Variants in HTR3C observed in about 807,000 individuals in gnomAD.
HTR3C encodes the protein 5-HT3-C.
Under a neutral mutation model 40.5 loss-of-function variants are expected in HTR3C, and 32 were observed. That is an observed-to-expected ratio of 0.79 (90% CI 0.60 to 1.06). HTR3C has a LOEUF of 1.06. Among genes scored for constraint, HTR3C ranks in the 50% least tolerant of loss-of-function variants. The pLI is 0.00. For synonymous variants in HTR3C, 209 were observed against 217.1 expected, an observed-to-expected ratio of 0.96 and a Z score of 0.33; for missense variants, 523 against 556.8, an observed-to-expected ratio of 0.94 and a Z score of 0.61.
chr3:184,057,729 C>T (rs1312315754), intron 5 of HTR3C, among the ~76,000 whole-genome samples: 3 of 130,840 alleles, frequency 2.3e-5, no homozygotes, highest in East Asian at 2.4e-4. Context: ...AGCGAGACTC[C>T]GTCTCAAAAC....
At chr3:184,057,184 G>A in intron 5 of HTR3C, 140 bp downstream of exon 5, 1 of 591,984 alleles carries the variant, frequency 1.7e-6, no homozygotes, top group Non-Finnish European at 2.9e-6. Context: ...CCAATAACTG[G>A]CCAGGCACAG....
Position 184,059,820 on chromosome 3 carries a change from G to A in HTR3C, c.926-8G>A, listed in dbSNP as rs1230961589. ...GCCTGGTTTATTTATAATTTGCTCT[G>A]CCCTCAGGTGTCTACTTCGCCCTGT... On this transcript the variant is annotated splice_region_variant and splice_polypyrimidine_tract_variant and intron_variant, in intron 7 of 8. Coordinates refer to ENST00000318351, the MANE Select transcript of HTR3C (RefSeq NM_130770.3). The A allele has an allele frequency of 1.2e-6, 2 of 1,613,826 alleles. No individual in the cohort carries two copies. The highest frequency in any genetic ancestry group is 1.7e-6 in the Non-Finnish European group (2 of 1,179,926).
chr3:184,058,417 T>C lies in HTR3C; in HGVS notation c.560-10T>C. On this transcript the variant is annotated splice_polypyrimidine_tract_variant and intron_variant, in intron 5 of 8. Coordinates refer to ENST00000318351, the MANE Select transcript of HTR3C (RefSeq NM_130770.3). ...AACGTCTGCAATGAACTGACCGGCC[T>C]CCCTTCCAGTGGACAGCATGCTGCT... The C allele has an allele frequency of 6.3e-7, 1 of 1,590,652 alleles. No individual in the cohort carries two copies. The highest frequency in any genetic ancestry group is 8.5e-7 in the Non-Finnish European group (1 of 1,171,182).
At chr3:184,055,559 C>A (rs1000699950) in intron 3 of HTR3C, among the ~76,000 whole-genome samples, 1 of 151,872 alleles carries the variant, frequency 6.6e-6, no homozygotes, top group Non-Finnish European at 1.5e-5. Flanking sequence ...AATAAAAATA[C>A]AAAAATTAGC....
In HTR3C at chr3:184,053,154, T is replaced by C. The variant is rs1209852043; in HGVS notation, c.67+7T>C. 1 of 1,612,274 alleles carries C rather than the reference T, an allele frequency of 6.2e-7. No individual in the cohort carries two copies. Among genetic ancestry groups the C allele is most frequent in the Admixed American group, 1.7e-5 (1 of 60,008 alleles). ...GTCAGTCTTCTGCTTCAAGGTAAGA[T>C]GGGACGAGAACAGGGAAGACCAGAG... On this transcript the variant is annotated splice_region_variant and intron_variant, in intron 1 of 8. Coordinates refer to ENST00000318351, the MANE Select transcript of HTR3C (RefSeq NM_130770.3).
rs73052473 is a variant in HTR3C, at chr3:184,055,408, G to A, written c.279+52G>A. ...CCACTTCATTTATAATTTTAAGCCT[G>A]AGGAGTTAGAAGTGACTTAAAGGGG... On this transcript the variant is annotated intron_variant, in intron 3 of 8. Coordinates refer to ENST00000318351, the MANE Select transcript of HTR3C (RefSeq NM_130770.3). 5,925 of 1,378,452 alleles carry A rather than the reference G, an allele frequency of 4.3e-3. 192 individuals carry two copies. The African/African-American group carries it at 0.076, about 18-fold the overall frequency. The allele number at this position is 1,378,452 out of a possible 1,614,324, so 85.4% of individuals were successfully genotyped here.
At position 184,060,505 on chromosome 3, in the gene HTR3C, G is replaced by T; in HGVS notation, c.*153G>T. ...GACTCCAACGCAGCACTAGCAAGCAGGTTCGGGACAGCCCTGGACGATTTC... is the reference window on the plus strand; with the variant it reads ...GACTCCAACGCAGCACTAGCAAGCATGTTCGGGACAGCCCTGGACGATTTC... On this transcript the variant is annotated 3_prime_UTR_variant, in exon 9 of 9. Transcript: ENST00000318351. 1 of 972,290 alleles carries T rather than the reference G, an allele frequency of 1.0e-6. No homozygotes were observed. The highest frequency in any genetic ancestry group is 1.5e-5 in the South Asian group (1 of 65,816). The allele number at this position is 972,290 out of a possible 1,614,324, so 60.2% of individuals were successfully genotyped here. A position where few individuals can be genotyped will look rare whatever the true frequency, so the allele number is the denominator to read the frequency against.
chr3:184,054,177 C>T (rs1183003779), intron 1 of HTR3C, among the ~76,000 whole-genome samples: 1 of 152,182 alleles, frequency 6.6e-6, no homozygotes. Flanking sequence ...AAAATAAATG[C>T]ATAGCACCAA....
rs1392592830 is a variant in HTR3C at position 184,060,140 on chromosome 3, C to T, written c.1142-10C>T. 3 of 1,612,808 alleles carry T rather than the reference C, an allele frequency of 1.9e-6. No homozygotes were observed. Among genetic ancestry groups the T allele is most frequent in the Non-Finnish European group, 2.5e-6 (3 of 1,179,362 alleles). On this transcript the variant is annotated splice_polypyrimidine_tract_variant and intron_variant, in intron 8 of 8. Coordinates refer to ENST00000318351, the MANE Select transcript of HTR3C (RefSeq NM_130770.3). ...CCCACTCCATGACTGAGCCTCTGTC[C>T]TCTCCACAGGCCCAAAGGAGCCGGG...
chr3:184,053,960 G>A (rs150381526), intron 1 of HTR3C, among the ~76,000 whole-genome samples: 1,767 of 152,082 alleles, frequency 0.012, 14 homozygotes, highest in Non-Finnish European at 0.018. Flanking sequence ...TCACCATGTC[G>A]GCCAGGATGG....
chr3:184,058,474 G>A lies in HTR3C; in HGVS notation c.607G>A (p.Asp203Asn), dbSNP rs1317778554. 6.8e-6 allele frequency: 11 copies of A among 1,613,214 alleles called. No homozygotes were observed. The highest frequency in any genetic ancestry group is 1.3e-5 in the African/African-American group (1 of 74,852). ...GMDKEVWEITDTSRKVIQTQG... is the reference protein window; with the variant it reads ...GMDKEVWEITNTSRKVIQTQG... ...GGACAAGGAGGTGTGGGAGATCACA[G>A]ACACGTCTCGCAAAGTCATCCAAAC... Residue 203 changes from aspartate to asparagine, a missense_variant, in exon 6 of 9, where the codon GAC (aspartate) becomes AAC (asparagine). Asp to Asn is a conservative substitution (Grantham distance 23). Coordinates refer to ENST00000318351, the MANE Select transcript of HTR3C (RefSeq NM_130770.3).
intron 1 of HTR3C, among the ~76,000 whole-genome samples, chr3:184,053,432 T>A (rs1367035814): frequency 6.6e-6 from 1 of 152,176 alleles, no homozygotes; most frequent in Non-Finnish European, 1.5e-5. Flanking sequence ...CACACCCTTC[T>A]TCCCCCTCTC....
intron 1 of HTR3C, among the ~76,000 whole-genome samples, chr3:184,054,259 CTT>C (rs1396201673): frequency 1.3e-5 from 2 of 152,178 alleles, no homozygotes; most frequent in Non-Finnish European, 2.9e-5. Flanking sequence ...TAAAATGTCT[CTT>C]ATCCTCTTGA....
At chr3:184,058,660 T>A in intron 6 of HTR3C, 73 bp downstream of exon 6, 3 of 1,534,608 alleles carry the variant, frequency 2.0e-6, no homozygotes. Flanking sequence ...TATGGCTCTT[T>A]GGGAAGCAAA....
In HTR3C at chr3:184,056,872, C is replaced by G; in HGVS notation, c.390-3C>G. ...CCATCTCTTCCCTCCCTTCCCCAAA[C>G]AGCATGGATGTGGATCAGACGCCTT... On this transcript the variant is annotated splice_region_variant and splice_polypyrimidine_tract_variant and intron_variant, in intron 4 of 8. Coordinates refer to ENST00000318351, the MANE Select transcript of HTR3C (RefSeq NM_130770.3). The G allele has an allele frequency of 6.3e-7, 1 of 1,594,738 alleles. No homozygotes were observed. Among genetic ancestry groups the G allele is most frequent in the Non-Finnish European group, 8.6e-7 (1 of 1,166,858 alleles).
At chr3:184,054,139 A>G (rs754062385) in intron 1 of HTR3C, among the ~76,000 whole-genome samples, 5 of 152,182 alleles carry the variant, frequency 3.3e-5, no homozygotes, top group Non-Finnish European at 7.3e-5. Context: ...CCCACGAGAC[A>G]ACTGAGGTCA....
In HTR3C at chr3:184,055,021, C is replaced by T. The variant is rs200211259; in HGVS notation, c.234+134C>T. 1.0e-4 allele frequency: 89 copies of T among 885,062 alleles called. No homozygotes were observed. The East Asian group carries it at 2.3e-3, about 23-fold the overall frequency. The allele number at this position is 885,062 out of a possible 1,614,324, so 54.8% of individuals were successfully genotyped here. A position where few individuals can be genotyped will look rare whatever the true frequency, so the allele number is the denominator to read the frequency against. Reference sequence around the variant, plus strand: ...GGATGGATTTAACGCAAGTTAGATGCTTTTCCTATGCGATGGAGAGGCACG... The same window carrying T: ...GGATGGATTTAACGCAAGTTAGATGTTTTTCCTATGCGATGGAGAGGCACG... On this transcript the variant is annotated intron_variant, in intron 2 of 8. Coordinates refer to ENST00000318351, the MANE Select transcript of HTR3C (RefSeq NM_130770.3).
Position 184,060,034 on chromosome 3 carries a change from C to T in HTR3C, c.1132C>T (p.His378Tyr). 1 of 1,613,390 alleles carries T rather than the reference C, an allele frequency of 6.2e-7. No homozygotes were observed. The highest frequency in any genetic ancestry group is 8.5e-7 in the Non-Finnish European group (1 of 1,179,734). Reference sequence around the variant, plus strand: ...TAAGGGCCTGGGTCTCACCCTCACCCACCTGCCTGGTGAGGGAAGCCAGCA... The same window carrying T: ...TAAGGGCCTGGGTCTCACCCTCACCTACCTGCCTGGTGAGGGAAGCCAGCA... ...GNKGLGLTLTHLPGPKEPGEL... is the reference protein window; with the variant it reads ...GNKGLGLTLTYLPGPKEPGEL... Residue 378 changes from histidine to tyrosine, a missense_variant, in exon 8 of 9, where the codon CAC becomes TAC. Coordinates refer to ENST00000318351, the MANE Select transcript of HTR3C (RefSeq NM_130770.3).
chr3:184,058,504 G>C lies in HTR3C; in HGVS notation c.637G>C (p.Gly213Arg). The C allele has an allele frequency of 6.2e-7, 1 of 1,613,614 alleles. No individual in the cohort carries two copies. Among genetic ancestry groups the C allele is most frequent in the African/African-American group, 1.3e-5 (1 of 74,982 alleles). ...GTCTCGCAAAGTCATCCAAACCCAG[G>C]GGGAGTGGGAGCTCTTGGGCATCAA... Reference protein sequence around the residue: ...DTSRKVIQTQGEWELLGINKA... With the variant: ...DTSRKVIQTQREWELLGINKA... The change falls in exon 6 of 9, where the codon GGG (glycine) becomes CGG (arginine). Residue 213 changes from glycine (G) to arginine (R), a missense_variant. Physicochemically the swap from Gly to Arg is moderately radical, Grantham distance 125. Transcript: ENST00000318351.
Sources: allele counts gnomAD v4.1 joint callset (sites outside exome capture counted in the v4.1 genomes callset), GRCh38; gene constraint gnomAD v4.1.1; transcripts MANE v1.5; gene names NCBI Gene and HGNC (gene_info 2026-07-23, HGNC 2026-07-21).